Variants in CRACD observed in about 807,000 individuals in gnomAD.
CRACD encodes the protein capping protein inhibiting regulator of actin dynamics.
In CRACD, 56 loss-of-function variants were observed where a neutral mutation model predicts 106.8. The ratio of observed to expected loss-of-function variants is 0.52; its 90% CI spans 0.42 to 0.66. The LOEUF is 0.66. Among genes scored for constraint, CRACD ranks in the 30% least tolerant of loss-of-function variants. The pLI, the probability that CRACD is intolerant of heterozygous loss-of-function variation, is 0.00. For synonymous variants in CRACD, 754 were observed against 670.8 expected (o/e 1.12, Z -1.92); for missense variants, 1,730 against 1,623.2 (o/e 1.07, Z -1.13).
At chr4:56,166,725 A>G (rs1736171479) in intron 1 of CRACD, among the ~76,000 whole-genome samples, 2 of 151,900 alleles carry the variant, frequency 1.3e-5, no homozygotes, top group East Asian at 1.9e-4. Context: ...GGCAATTGCA[A>G]TGATAGTAGC....
In CRACD at chr4:56,233,497, T is replaced by C. The variant is rs193161866; in HGVS notation, c.-188-38824T>C. Among the ~76,000 whole-genome samples, 810 of 152,316 alleles carry C rather than the reference T, an allele frequency of 5.3e-3. 5 individuals are homozygous for C. Among genetic ancestry groups the C allele is most frequent in the Non-Finnish European group, 9.9e-3 (675 of 68,024 alleles). On this transcript the variant is annotated intron_variant, in intron 2 of 10. Transcript: ENST00000682029. The stretch of plus-strand genomic sequence containing the variant: ...TACATCTTTGGTCAAAAATCAGTTG[T>C]CAGTATATACATGAGCTGGACTCTG...
At chr4:56,143,789 C>G (rs536991093) in intron 1 of CRACD, among the ~76,000 whole-genome samples, 5 of 152,164 alleles carry the variant, frequency 3.3e-5, no homozygotes, top group Non-Finnish European at 7.4e-5. Flanking sequence ...TTTTAATAAA[C>G]ATATAGAATT....
At chr4:56,176,983 G>A (rs749497382) in intron 1 of CRACD, among the ~76,000 whole-genome samples, 6 of 152,080 alleles carry the variant, frequency 3.9e-5, no homozygotes, top group Non-Finnish European at 5.9e-5. Context: ...TTTTCTAAAT[G>A]TAAGATAATG....
intron 3 of CRACD, among the ~76,000 whole-genome samples, chr4:56,275,514 G>C (rs909313949): frequency 6.6e-6 from 1 of 152,144 alleles, no homozygotes; most frequent in Non-Finnish European, 1.5e-5. Context: ...CTCTTTTCTA[G>C]GGAATTGACA....
chr4:56,310,788 T>TTC (rs2109756965), intron 6 of CRACD, 54 bp downstream of exon 6: 1 of 1,014,602 alleles, frequency 9.9e-7, no homozygotes, highest in Non-Finnish European at 1.5e-6. Context: ...AACTTTCATC[T>TTC]TCCCCCCCCC....
chr4:56,092,658 AGT>A (rs773621874), intron 1 of CRACD, among the ~76,000 whole-genome samples: 1 of 152,004 alleles, frequency 6.6e-6, no homozygotes, highest in Non-Finnish European at 1.5e-5. Flanking sequence ...GCTGGAGTGC[AGT>A]GTGTGATCAT....
chr4:56,097,416 G>C (rs889306006), intron 1 of CRACD: 1 of 152,896 alleles, frequency 6.5e-6, no homozygotes, highest in Non-Finnish European at 1.5e-5. Flanking sequence ...CCGTGAATGC[G>C]CCCGATCTCG....
chr4:56,202,144 A>G (rs920991789), intron 2 of CRACD, among the ~76,000 whole-genome samples: 1 of 152,206 alleles, frequency 6.6e-6, no homozygotes, highest in African/African-American at 2.4e-5. Context: ...AAAGCTGTTT[A>G]TGTGTAGGGA....
intron 1 of CRACD, among the ~76,000 whole-genome samples, chr4:56,124,025 C>A (rs891716274): frequency 5.9e-5 from 9 of 152,150 alleles, no homozygotes; most frequent in African/African-American, 2.2e-4. Flanking sequence ...GCAACCTCTG[C>A]CTCCCAGGTT....
At chr4:56,052,540 C>A (rs1731911468) in intron 1 of CRACD, among the ~76,000 whole-genome samples, 1 of 152,172 alleles carries the variant, frequency 6.6e-6, no homozygotes, top group Admixed American at 6.5e-5. Flanking sequence ...AAAATAAGTT[C>A]TTAAACATTT....
chr4:56,158,144 GA>G (rs1735824846), intron 1 of CRACD, among the ~76,000 whole-genome samples: 2 of 152,300 alleles, frequency 1.3e-5, no homozygotes, highest in East Asian at 3.9e-4. Flanking sequence ...GAGGCCTCCA[GA>G]TTTGGTTGCT....
chr4:56,275,575 G>A (rs1742630064), intron 3 of CRACD, among the ~76,000 whole-genome samples: 1 of 152,206 alleles, frequency 6.6e-6, no homozygotes, highest in Admixed American at 6.5e-5. Context: ...GTTGATTATG[G>A]TATAACTGAG....
At chr4:56,089,442 G>T (rs1733341881) in intron 1 of CRACD, among the ~76,000 whole-genome samples, 1 of 152,084 alleles carries the variant, frequency 6.6e-6, no homozygotes, top group Non-Finnish European at 1.5e-5. Context: ...TGCTTCCTGT[G>T]GGGAACCTAG....
At chr4:56,240,723 T>A (rs888839173) in intron 2 of CRACD, among the ~76,000 whole-genome samples, 2 of 152,142 alleles carry the variant, frequency 1.3e-5, no homozygotes, top group African/African-American at 4.8e-5. Context: ...GGTCTCAAAC[T>A]CTACTTCAAG....
intron 1 of CRACD, among the ~76,000 whole-genome samples, chr4:56,080,040 C>T (rs1577949911): frequency 6.6e-6 from 1 of 152,176 alleles, no homozygotes. Flanking sequence ...CCTTTCAGAA[C>T]AATGTTAAAA....
At chr4:56,207,765 TATATATA>T (rs1738201119) in intron 2 of CRACD, among the ~76,000 whole-genome samples, 1 of 144,646 alleles carries the variant, frequency 6.9e-6, no homozygotes, top group Non-Finnish European at 1.5e-5. Context: ...TATATATATA[TATATATA>T]TATATATGCT....
At chr4:56,119,575 T>C (rs912907949) in intron 1 of CRACD, among the ~76,000 whole-genome samples, 1 of 152,114 alleles carries the variant, frequency 6.6e-6, no homozygotes, top group Non-Finnish European at 1.5e-5. Flanking sequence ...GCTCAAGTGA[T>C]CTGCCTTCCT....
intron 2 of CRACD, among the ~76,000 whole-genome samples, chr4:56,219,046 A>T: frequency 6.6e-6 from 1 of 152,192 alleles, no homozygotes; most frequent in East Asian, 1.9e-4. Flanking sequence ...GGACCTCAGA[A>T]CTTTCTAACT....
At chr4:56,105,490 C>T (rs549376408) in intron 1 of CRACD, among the ~76,000 whole-genome samples, 157 of 152,190 alleles carry the variant, frequency 1.0e-3, no homozygotes, top group African/African-American at 3.3e-3. Context: ...CAGAATGAGA[C>T]ATATATATAG....
Sources: gnomAD v4.1 joint callset for allele counts (sites outside exome capture counted in the v4.1 genomes callset) on GRCh38, gnomAD v4.1.1 for gene constraint, MANE v1.5 for transcripts, NCBI Gene and HGNC (gene_info 2026-07-23, HGNC 2026-07-21) for gene names.